The following RSPH14 variants were observed in gnomAD, a reference collection of about 807,000 sequenced individuals.
RSPH14 encodes the protein radial spoke head 14 homolog.
A neutral mutation model predicts 26.7 loss-of-function variants in RSPH14; 20 were observed. That is an observed-to-expected ratio of 0.75 (90% CI 0.53 to 1.09). The LOEUF (loss-of-function observed/expected upper bound fraction) is 1.09. Among genes scored for constraint, RSPH14 ranks in the 50% least tolerant of loss-of-function variants. The pLI, the probability that RSPH14 is intolerant of heterozygous loss-of-function variation, is 0.00. For synonymous variants in RSPH14, 177 were observed against 189.3 expected (o/e 0.93, Z 0.53); for missense variants, 449 against 457.2 (o/e 0.98, Z 0.16).
At chr22:23,174,849 T>C in the RSPH14 span, among the ~76,000 whole-genome samples, 1 of 151,740 alleles carries the variant, frequency 6.6e-6, no homozygotes, top group African/African-American at 2.4e-5. Context: ...ATGCCTGTAA[T>C]CCCAGCTACT....
At chr22:23,144,203 C>T (rs2070665913), upstream of RSPH14, among the ~76,000 whole-genome samples, 1 of 149,844 alleles carries the variant, frequency 6.7e-6, no homozygotes, top group South Asian at 2.2e-4. Flanking sequence ...ACAGCTTAAT[C>T]TTCCCTTCTC....
chr22:23,160,832 G>T, the RSPH14 span: 1 of 1,590,464 alleles, frequency 6.3e-7, no homozygotes, highest in Non-Finnish European at 8.6e-7. Context: ...GCATTAAGGG[G>T]CAAGGAGAAA....
intron 4 of RSPH14, among the ~76,000 whole-genome samples, chr22:23,133,403 A>G (rs778221896): frequency 5.3e-5 from 8 of 152,178 alleles, no homozygotes; most frequent in Non-Finnish European, 1.0e-4. Flanking sequence ...GGCATCATCT[A>G]TGGTCTTATA....
chr22:23,064,768 C>T (rs886489700), intron 4 of RSPH14, among the ~76,000 whole-genome samples: 1 of 152,166 alleles, frequency 6.6e-6, no homozygotes, highest in Non-Finnish European at 1.5e-5. Flanking sequence ...GGGGGCTCCA[C>T]ATGGCACAGC....
intron 4 of RSPH14, among the ~76,000 whole-genome samples, chr22:23,114,961 G>T (rs760933641): frequency 5.3e-5 from 8 of 152,234 alleles, no homozygotes; most frequent in Middle Eastern, 3.2e-3. Flanking sequence ...AGCTGGCAGG[G>T]CTGGGGGTTC....
chr22:23,149,962 AG>A, upstream of RSPH14: 9 of 918,220 alleles, frequency 9.8e-6, no homozygotes, highest in South Asian at 1.3e-4. Flanking sequence ...TGTGAGGCCT[AG>A]GAAGGAAGGC....
intron 4 of RSPH14, among the ~76,000 whole-genome samples, chr22:23,129,569 CAA>C (rs753269291): frequency 2.2e-4 from 26 of 118,246 alleles, no homozygotes; most frequent in Admixed American, 1.8e-4. Flanking sequence ...ACACGGCACT[CAA>C]AAAAAAAAAA....
the RSPH14 span, among the ~76,000 whole-genome samples, chr22:23,174,842 C>A: frequency 6.6e-6 from 1 of 151,996 alleles, no homozygotes; most frequent in South Asian, 2.1e-4. Context: ...GTGGTGCATG[C>A]CTGTAATCCC....
Position 23,088,383 on chromosome 22 carries a change from C to T in RSPH14, c.422-24250G>A, listed in dbSNP as rs574598714. On this transcript the variant is annotated intron_variant, in intron 4 of 6. Coordinates refer to ENST00000216036, the MANE Select transcript of RSPH14 (RefSeq NM_014433.3). ...CCTGTGGTCACAGGCATCAGTGAGC[C>T]TGGAGATCTGTCACTGCGCGGGCCT... 2.0e-5 allele frequency among the ~76,000 whole-genome samples: 3 copies of T among 152,358 alleles called. No homozygotes were observed. The South Asian group carries it at 6.2e-4, about 32-fold the overall frequency.
At chr22:23,126,913 G>T (rs1053761995) in intron 4 of RSPH14, among the ~76,000 whole-genome samples, 2 of 152,254 alleles carry the variant, frequency 1.3e-5, no homozygotes, top group Non-Finnish European at 2.9e-5. Context: ...GTCAACAACA[G>T]TGGTCACGAT....
At chr22:23,167,022 G>A in the RSPH14 span, among the ~76,000 whole-genome samples, 3 of 152,166 alleles carry the variant, frequency 2.0e-5, no homozygotes, top group Admixed American at 2.0e-4. Context: ...GTCCCCGCCT[G>A]ACAGGTGGGG....
upstream of RSPH14, among the ~76,000 whole-genome samples, chr22:23,142,359 A>C (rs1421858843): frequency 6.6e-6 from 1 of 151,972 alleles, no homozygotes; most frequent in African/African-American, 2.4e-5. Flanking sequence ...TCTTTCACGC[A>C]GGCTGGAGTG....
the RSPH14 span, among the ~76,000 whole-genome samples, chr22:23,164,674 G>A: frequency 6.6e-6 from 1 of 152,190 alleles, no homozygotes; most frequent in African/African-American, 2.4e-5. Context: ...GTGCGGCAAT[G>A]ACCACAGTGA....
chr22:23,134,069 C>T lies in RSPH14; in HGVS notation c.378G>A (p.Gly126=), dbSNP rs745713158. The T allele has an allele frequency of 6.8e-6, 11 of 1,613,300 alleles. No homozygotes were observed. Among genetic ancestry groups the T allele is most frequent in the Non-Finnish European group, 8.5e-6 (10 of 1,179,586 alleles). ...LLNDPSPVCR[G]NLYKAYMQLV... ...GCTGCATGTATGCCTTGTACAGGTT[C>T]CCCCGGCAGACTGGGCTGGGGTCAT... Residue 126 remains glycine, a synonymous_variant, in exon 4 of 7, where the codon GGG becomes GGA. Coordinates refer to ENST00000216036, the MANE Select transcript of RSPH14 (RefSeq NM_014433.3).
intron 4 of RSPH14, among the ~76,000 whole-genome samples, chr22:23,106,852 C>A (rs1225979753): frequency 6.6e-6 from 1 of 152,230 alleles, no homozygotes; most frequent in Non-Finnish European, 1.5e-5. Flanking sequence ...ACCTGGACAT[C>A]CCGCTGCTGC....
chr22:23,130,193 C>T (rs1005134315), intron 4 of RSPH14, among the ~76,000 whole-genome samples: 8 of 149,896 alleles, frequency 5.3e-5, no homozygotes, highest in South Asian at 4.2e-4. Flanking sequence ...TGGTGGCTCA[C>T]GCCTGTAATC....
the RSPH14 span, among the ~76,000 whole-genome samples, chr22:23,169,498 C>T: frequency 1.3e-5 from 2 of 152,202 alleles, no homozygotes; most frequent in Non-Finnish European, 2.9e-5. Flanking sequence ...CGGGCTCAGG[C>T]AGATCTGAGG....
chr22:23,097,912 A>G (rs2266996), intron 4 of RSPH14, among the ~76,000 whole-genome samples: 53,414 of 152,214 alleles, frequency 0.35, 10,332 homozygotes, highest in African/African-American at 0.52. Context: ...TTCCCCGGGC[A>G]CCAGGCCTGG....
At chr22:23,096,022 G>T in intron 4 of RSPH14, 1 of 1,607,136 alleles carries the variant, frequency 6.2e-7, no homozygotes, top group Non-Finnish European at 8.5e-7. Flanking sequence ...AGCTCTTTGC[G>T]CTGACGGGCC....
Sources: allele counts gnomAD v4.1 joint callset (sites outside exome capture counted in the v4.1 genomes callset), GRCh38; gene constraint gnomAD v4.1.1; transcripts MANE v1.5; gene names NCBI Gene and HGNC (gene_info 2026-07-23, HGNC 2026-07-21).